Variants in CUX1 observed in about 807,000 individuals in gnomAD.
CUX1 encodes the protein cut like homeobox 1.
A neutral mutation model predicts 158.8 loss-of-function variants in CUX1; 31 were observed. The ratio of observed to expected loss-of-function variants is 0.20; its 90% CI spans 0.15 to 0.26. The LOEUF is 0.26. Among genes scored for constraint, CUX1 ranks in the 10% least tolerant of loss-of-function variants. The pLI, the probability that CUX1 is intolerant of heterozygous loss-of-function variation, is 1.00. For missense variants in CUX1, 1,589 were observed against 2,014.6 expected (o/e 0.79, Z 4.04); for synonymous variants, 879 against 862.1 (o/e 1.02, Z -0.34).
At chr7:101,824,899 G>A (rs1010161894) in intron 1 of CUX1, among the ~76,000 whole-genome samples, 1 of 152,222 alleles carries the variant, frequency 6.6e-6, no homozygotes, top group African/African-American at 2.4e-5. Flanking sequence ...CTGGAACTGG[G>A]AACATTCTGT....
chr7:101,817,403 C>G, upstream of CUX1: 1 of 984,686 alleles, frequency 1.0e-6, no homozygotes, highest in African/African-American at 1.7e-5. The surrounding 1 kb of genome is among the most constrained non-coding windows in gnomAD (Gnocchi z 4.1). Context: ...AAGCAGAGCC[C>G]CGGGGGCCCG....
intron 2 of CUX1, among the ~76,000 whole-genome samples, chr7:101,934,526 C>T (rs1235153683): frequency 1.3e-5 from 2 of 152,128 alleles, no homozygotes; most frequent in Non-Finnish European, 2.9e-5. Flanking sequence ...CAGGGTTTCA[C>T]GAATCTGACT....
At chr7:101,859,574 A>G (rs1484057559) in intron 1 of CUX1, among the ~76,000 whole-genome samples, 1 of 152,064 alleles carries the variant, frequency 6.6e-6, no homozygotes, top group Admixed American at 6.6e-5. Flanking sequence ...ACTGTCAGGT[A>G]TTGGCGGGTT....
intron 1 of CUX1, among the ~76,000 whole-genome samples, chr7:101,830,238 C>T (rs1036996916): frequency 2.0e-5 from 3 of 152,356 alleles, no homozygotes; most frequent in Admixed American, 2.0e-4. Context: ...GATCCCCTGA[C>T]ATGGTCGGGG....
chr7:102,037,948 G>A (rs1425354873), intron 3 of CUX1, among the ~76,000 whole-genome samples: 4 of 151,614 alleles, frequency 2.6e-5, no homozygotes, highest in Non-Finnish European at 5.9e-5. Flanking sequence ...TCAGCTACTC[G>A]GGAGACTGAG....
chr7:102,133,009 T>A (rs1833496163), intron 8 of CUX1, among the ~76,000 whole-genome samples: 1 of 152,134 alleles, frequency 6.6e-6, no homozygotes. Context: ...CTTCAAGATC[T>A]TCTGAACTTG....
At chr7:102,156,275 T>A (rs1359421647) in intron 8 of CUX1, among the ~76,000 whole-genome samples, 1 of 152,054 alleles carries the variant, frequency 6.6e-6, no homozygotes, top group African/African-American at 2.4e-5. Context: ...ATAAAGAAGA[T>A]AGGTTTATTT....
intron 16 of CUX1, chr7:102,275,185 A>G: frequency 7.6e-7 from 1 of 1,309,702 alleles, no homozygotes; most frequent in Non-Finnish European, 1.1e-6. Context: ...ACCCACCCCA[A>G]AGGGCCGCCT....
At chr7:101,985,473 A>G (rs36089361) in intron 2 of CUX1, among the ~76,000 whole-genome samples, 3,390 of 152,336 alleles carry the variant, frequency 0.022, 72 homozygotes, top group Non-Finnish European at 0.036. Flanking sequence ...ACTGCTGTGC[A>G]TGTGGCTGTT....
chr7:102,278,026 C>G, exon 18 of CUX1: 1 of 1,609,740 alleles, frequency 6.2e-7, no homozygotes, highest in Non-Finnish European at 8.5e-7. Context: ...ACATCAAGCT[C>G]TTTGAGAAGA....
chr7:102,281,171 G>A (rs1176472106), intron 20 of CUX1, among the ~76,000 whole-genome samples: 5 of 152,144 alleles, frequency 3.3e-5, no homozygotes, highest in East Asian at 1.9e-4. Flanking sequence ...CCAGGAGTTC[G>A]AGACCAGCCT....
chr7:101,939,360 A>G lies in CUX1; in HGVS notation c.141+23135A>G, dbSNP rs1457939158. Among the ~76,000 whole-genome samples, 8 of 152,004 alleles carry G rather than the reference A, an allele frequency of 5.3e-5. No homozygotes were observed. In the East Asian group the frequency reaches 1.4e-3, roughly 26 times the overall value. ...AAGTAGTATTCCATTGTATGGATGT[A>G]CCACAGCATGGAGGGATTTTTAAGG... On this transcript the variant is annotated intron_variant, in intron 2 of 23. Coordinates refer to ENST00000292535, the MANE Select transcript of CUX1 (RefSeq NM_181552.4).
chr7:102,200,903 G>A (rs151194002), intron 17 of CUX1, among the ~76,000 whole-genome samples: 18 of 151,494 alleles, frequency 1.2e-4, no homozygotes, highest in African/African-American at 4.4e-4. Flanking sequence ...TGCACCTGTG[G>A]TCCCAGCTAC....
At chr7:102,215,330 A>G (rs1343559239) in intron 20 of CUX1, among the ~76,000 whole-genome samples, 1 of 149,260 alleles carries the variant, frequency 6.7e-6, no homozygotes, top group African/African-American at 2.5e-5. Flanking sequence ...GGCAGCAGAA[A>G]GATGTTATAA....
chr7:101,844,835 C>T (rs377304725), intron 1 of CUX1, among the ~76,000 whole-genome samples: 2 of 151,924 alleles, frequency 1.3e-5, no homozygotes, highest in African/African-American at 2.4e-5. Flanking sequence ...AGGCTGGTCT[C>T]GAACTCCTGA....
intron 8 of CUX1, among the ~76,000 whole-genome samples, chr7:102,132,326 CG>C (rs1402705125): frequency 0.16 from 42 of 270 alleles, 1 homozygote; most frequent in Admixed American, 0.11. Context: ...CGCGCGCGCA[CG>C]CCACGCACAC....
At chr7:102,225,176 A>G (rs1554528249) in intron 20 of CUX1, among the ~76,000 whole-genome samples, 1 of 152,096 alleles carries the variant, frequency 6.6e-6, no homozygotes, top group East Asian at 1.9e-4. Context: ...TGTCTCTTCT[A>G]CATCTTTCAA....
intron 2 of CUX1, among the ~76,000 whole-genome samples, chr7:101,936,096 G>A (rs1047236388): frequency 1.2e-4 from 19 of 152,148 alleles, no homozygotes; most frequent in African/African-American, 3.6e-4. Context: ...CCCTGCCCTC[G>A]CGGTGCTTAC....
At chr7:102,199,840 G>A (rs782791313) in intron 16 of CUX1, among the ~76,000 whole-genome samples, 10 of 152,198 alleles carry the variant, frequency 6.6e-5, no homozygotes, top group South Asian at 2.1e-4. Context: ...GGTGGTGTCC[G>A]GCTTTGGCAG....
Sources: allele counts gnomAD v4.1 joint callset (sites outside exome capture counted in the v4.1 genomes callset), GRCh38; gene constraint gnomAD v4.1.1; non-coding constraint Gnocchi (gnomAD v3.1); transcripts MANE v1.5; gene names NCBI Gene and HGNC (gene_info 2026-07-23, HGNC 2026-07-21).